The following OXR1 variants were observed in gnomAD, a reference collection of about 807,000 sequenced individuals.
OXR1 encodes oxidation resistance protein 1.
OXR1 carries 41 observed loss-of-function variants against 104.6 expected under a neutral mutation model. That is an observed-to-expected ratio of 0.39 (90% CI 0.31 to 0.51). The LOEUF (loss-of-function observed/expected upper bound fraction) is 0.51, where lower values mean the gene tolerates loss of function less well. Among genes scored for constraint, OXR1 ranks in the 20% least tolerant of loss-of-function variants. The pLI is 0.77. For synonymous variants in OXR1, 348 were observed against 348.4 expected (o/e 1.00, Z 0.01); for missense variants, 955 against 1,031.9 (o/e 0.93, Z 1.02).
intron 3 of OXR1, among the ~76,000 whole-genome samples, chr8:106,582,753 G>A (rs1252611480): frequency 6.6e-6 from 1 of 152,078 alleles, no homozygotes; most frequent in Non-Finnish European, 1.5e-5. Context: ...CACTTGACAA[G>A]CAGGCTTATT....
At chr8:106,622,455 AC>A (rs869271370) in intron 3 of OXR1, among the ~76,000 whole-genome samples, 6,771 of 129,716 alleles carry the variant, frequency 0.052, 190 homozygotes, top group South Asian at 0.084. Flanking sequence ...CACCCCCAGC[AC>A]ACACACACAC....
chr8:106,420,563 C>T (rs1339633091), intron 2 of OXR1, among the ~76,000 whole-genome samples: 1 of 151,746 alleles, frequency 6.6e-6, no homozygotes, highest in African/African-American at 2.4e-5. Flanking sequence ...TGTCTGCTGG[C>T]ATTTCTTGAT....
chr8:106,591,746 A>C (rs970764265), intron 3 of OXR1, among the ~76,000 whole-genome samples: 1 of 152,216 alleles, frequency 6.6e-6, no homozygotes, highest in Admixed American at 6.5e-5. Flanking sequence ...TGGATGAAAT[A>C]AGAAACCAAA....
chr8:106,593,645 C>T (rs1056509809), intron 3 of OXR1, among the ~76,000 whole-genome samples: 4 of 152,094 alleles, frequency 2.6e-5, no homozygotes, highest in Admixed American at 6.5e-5. Flanking sequence ...GGTGTGGTGG[C>T]AGGCGCCTGT....
chr8:106,349,897 T>C (rs1815652755), intron 1 of OXR1, among the ~76,000 whole-genome samples: 1 of 152,160 alleles, frequency 6.6e-6, no homozygotes, highest in Non-Finnish European at 1.5e-5. Context: ...GACAGAAGCC[T>C]ATTGGAATCA....
intron 3 of OXR1, among the ~76,000 whole-genome samples, chr8:106,643,149 A>C (rs1219523122): frequency 6.6e-6 from 1 of 152,196 alleles, no homozygotes; most frequent in African/African-American, 2.4e-5. Flanking sequence ...AAAGAATCAA[A>C]ATGATCCCAA....
At chr8:106,429,590 A>G (rs10100064) in intron 2 of OXR1, among the ~76,000 whole-genome samples, 34,062 of 149,746 alleles carry the variant, frequency 0.23, 5,346 homozygotes, top group East Asian at 0.43. Context: ...GAACCTGGAG[A>G]TGGAGGTTGC....
At chr8:106,739,384 A>T in intron 12 of OXR1, 74 bp from the exon 13 acceptor site, 1 of 1,332,050 alleles carries the variant, frequency 7.5e-7, no homozygotes, top group East Asian at 2.3e-5. Flanking sequence ...AGCTTTATTT[A>T]TCTGAAAAGT....
chr8:106,472,134 G>A (rs1047863482), intron 2 of OXR1, among the ~76,000 whole-genome samples: 18 of 151,798 alleles, frequency 1.2e-4, no homozygotes, highest in African/African-American at 4.3e-4. Context: ...TTTTCAAAGA[G>A]TAAGGGTCAG....
At chr8:106,339,519 A>AAAAAAAAAAAT (rs869120573) in intron 1 of OXR1, among the ~76,000 whole-genome samples, 4 of 33,356 alleles carry the variant, frequency 1.2e-4, no homozygotes, top group Non-Finnish European at 2.1e-4. Flanking sequence ...AAAAAAAAAA[A>AAAAAAAAAAAT]ATATATATAT....
chr8:106,693,514 C>T (rs1296446040), intron 7 of OXR1, among the ~76,000 whole-genome samples: 2 of 147,228 alleles, frequency 1.4e-5, no homozygotes, highest in South Asian at 2.2e-4. Flanking sequence ...ACTGCAACCT[C>T]TGCCTCCTGG....
At chr8:106,461,678 A>T (rs138110993) in intron 2 of OXR1, among the ~76,000 whole-genome samples, 40 of 152,274 alleles carry the variant, frequency 2.6e-4, no homozygotes, top group African/African-American at 9.4e-4. Flanking sequence ...ATTCCTGCTG[A>T]TTCTCAGTTT....
chr8:106,637,853 C>T (rs1823280901), intron 3 of OXR1, among the ~76,000 whole-genome samples: 1 of 151,578 alleles, frequency 6.6e-6, no homozygotes, highest in South Asian at 2.1e-4. Flanking sequence ...GCTCTGCCTC[C>T]CGGGTTCACG....
At chr8:106,533,680 A>G (rs897416543) in intron 3 of OXR1, among the ~76,000 whole-genome samples, 8 of 151,074 alleles carry the variant, frequency 5.3e-5, no homozygotes, top group African/African-American at 1.9e-4. Flanking sequence ...GTTTTATGAT[A>G]TGCTACCTGA....
intron 3 of OXR1, chr8:106,581,379 T>C: frequency 2.1e-6 from 1 of 478,002 alleles, no homozygotes; most frequent in Non-Finnish European, 3.6e-6. Flanking sequence ...TAGAGTATTA[T>C]GCAAATAATA....
chr8:106,441,111 G>T (rs995356609), intron 2 of OXR1, among the ~76,000 whole-genome samples: 4 of 152,038 alleles, frequency 2.6e-5, no homozygotes, highest in African/African-American at 9.7e-5. Context: ...TGAAGGAAGG[G>T]GTCCAGTTTC....
intron 1 of OXR1, among the ~76,000 whole-genome samples, chr8:106,335,463 C>T (rs926901957): frequency 3.3e-5 from 5 of 152,124 alleles, no homozygotes; most frequent in African/African-American, 9.7e-5. Flanking sequence ...ATAGTGTACT[C>T]ATACTGCCCT....
chr8:106,352,520 G>T (rs1286676656), intron 1 of OXR1, among the ~76,000 whole-genome samples: 1 of 152,112 alleles, frequency 6.6e-6, no homozygotes, highest in Non-Finnish European at 1.5e-5. Flanking sequence ...TGTGTATAAG[G>T]ATATACACTG....
chr8:106,452,045 C>G (rs941639872), intron 2 of OXR1, among the ~76,000 whole-genome samples: 2 of 152,118 alleles, frequency 1.3e-5, no homozygotes, highest in African/African-American at 4.8e-5. Context: ...CAGAGGCTAG[C>G]CGACATATTG....
Sources: gnomAD v4.1 joint callset for allele counts (sites outside exome capture counted in the v4.1 genomes callset) on GRCh38, gnomAD v4.1.1 for gene constraint, MANE v1.5 for transcripts, NCBI Gene and HGNC (gene_info 2026-07-23, HGNC 2026-07-21) for gene names.